Variants in TMEM135 observed in about 807,000 individuals in gnomAD.
TMEM135 encodes the protein transmembrane protein 135.
Under a neutral mutation model 60.3 loss-of-function variants are expected in TMEM135, and 30 were observed. The ratio of observed to expected loss-of-function variants is 0.50; its 90% CI spans 0.37 to 0.68. The LOEUF is 0.68. Among genes scored for constraint, TMEM135 ranks in the 30% least tolerant of loss-of-function variants. The probability of loss-of-function intolerance (pLI) is 0.00; values close to 1 mark genes in which losing one functional copy is unlikely to be tolerated. For synonymous variants in TMEM135, 190 were observed against 186.7 expected, an observed-to-expected ratio of 1.02 and a Z score of -0.14; for missense variants, 468 against 548.8, an observed-to-expected ratio of 0.85 and a Z score of 1.47.
At chr11:87,245,721 C>A (rs1310499926) in intron 6 of TMEM135, among the ~76,000 whole-genome samples, 1 of 124,488 alleles carries the variant, frequency 8.0e-6, no homozygotes, top group Non-Finnish European at 1.7e-5. Context: ...TTCCTCCATC[C>A]TTTTATTTTG....
At chr11:87,119,730 G>C (rs3018709) in intron 4 of TMEM135, among the ~76,000 whole-genome samples, 72,384 of 151,970 alleles carry the variant, frequency 0.48, 17,525 homozygotes, top group East Asian at 0.67. Flanking sequence ...CATTAAAGAT[G>C]ACTGATCACA....
intron 1 of TMEM135, 65 bp from the exon 2 acceptor site, chr11:87,067,629 A>T: frequency 6.2e-7 from 1 of 1,600,194 alleles, no homozygotes; most frequent in South Asian, 1.1e-5. Flanking sequence ...AGTAGCTTCC[A>T]CATATAAGCT....
chr11:87,144,870 A>G (rs1402426755), intron 4 of TMEM135, among the ~76,000 whole-genome samples: 1 of 152,140 alleles, frequency 6.6e-6, no homozygotes, highest in Non-Finnish European at 1.5e-5. Context: ...GAACAAAGCA[A>G]TGTTATAATC....
At chr11:87,196,702 A>G (rs935309748) in intron 5 of TMEM135, among the ~76,000 whole-genome samples, 6 of 152,172 alleles carry the variant, frequency 3.9e-5, no homozygotes, top group Non-Finnish European at 8.8e-5. Flanking sequence ...CTAGCCACTT[A>G]TTCAGAATTT....
intron 4 of TMEM135, among the ~76,000 whole-genome samples, chr11:87,119,451 G>T (rs915563226): frequency 6.6e-6 from 1 of 152,134 alleles, no homozygotes; most frequent in East Asian, 1.9e-4. Flanking sequence ...GCGTGTAATC[G>T]CAGCACTTTG....
chr11:87,301,059 T>C (rs935166973), intron 7 of TMEM135, among the ~76,000 whole-genome samples: 1 of 152,180 alleles, frequency 6.6e-6, no homozygotes, highest in Admixed American at 6.5e-5. Flanking sequence ...ACAAATTCAT[T>C]TGAACTGACA....
chr11:87,104,905 T>G (rs2135189457), intron 4 of TMEM135, among the ~76,000 whole-genome samples: 1 of 152,304 alleles, frequency 6.6e-6, no homozygotes, highest in South Asian at 2.1e-4. Context: ...TAGGATTACT[T>G]TTATTTGTTT....
intron 5 of TMEM135, among the ~76,000 whole-genome samples, chr11:87,189,462 G>A (rs1939745403): frequency 6.6e-6 from 1 of 152,108 alleles, no homozygotes; most frequent in African/African-American, 2.4e-5. Flanking sequence ...TGCCCAGCCT[G>A]TCAGACATTT....
intron 5 of TMEM135, among the ~76,000 whole-genome samples, chr11:87,195,095 T>C (rs1039524580): frequency 1.1e-4 from 16 of 152,218 alleles, no homozygotes; most frequent in Admixed American, 3.3e-4. Flanking sequence ...AGGAAGCTTA[T>C]TAAAATCTGA....
chr11:87,072,185 C>T, intron 3 of TMEM135, among the ~76,000 whole-genome samples: 1 of 152,114 alleles, frequency 6.6e-6, no homozygotes, highest in East Asian at 1.9e-4. Flanking sequence ...CAGAGTGAGA[C>T]TCCTGTCTCA....
intron 4 of TMEM135, among the ~76,000 whole-genome samples, chr11:87,146,127 A>G (rs1300693375): frequency 6.6e-6 from 1 of 152,140 alleles, no homozygotes; most frequent in Non-Finnish European, 1.5e-5. Context: ...CAAGGCTCTA[A>G]TTTCCTTCTC....
At chr11:87,274,980 C>G (rs1179161541) in intron 6 of TMEM135, among the ~76,000 whole-genome samples, 2 of 151,196 alleles carry the variant, frequency 1.3e-5, no homozygotes, top group Admixed American at 1.3e-4. Context: ...ATTTCTAGAG[C>G]AAATAAATTT....
At chr11:87,293,121 T>C (rs1195081157) in intron 6 of TMEM135, among the ~76,000 whole-genome samples, 3 of 152,220 alleles carry the variant, frequency 2.0e-5, no homozygotes, top group African/African-American at 7.2e-5. Context: ...CCTCACCATC[T>C]TACCTATCTA....
chr11:87,136,992 A>G (rs565886670), intron 4 of TMEM135, among the ~76,000 whole-genome samples: 1 of 152,018 alleles, frequency 6.6e-6, no homozygotes, highest in South Asian at 2.1e-4. Context: ...CAATTAGATC[A>G]AGTTGATTAA....
rs1941068199 is a variant in TMEM135, at chr11:87,238,946, G to T, written c.509+2262G>T. On this transcript the variant is annotated intron_variant, in intron 6 of 14. Coordinates refer to ENST00000305494, the MANE Select transcript of TMEM135 (RefSeq NM_022918.4). ...ACTTAAAGACATATGTGATTAACGT[G>T]TAGCATTTCTTAGTCATCAGAAGTT... is the stretch of plus-strand genomic sequence containing the variant. 2.0e-5 allele frequency among the ~76,000 whole-genome samples: 3 copies of T among 152,112 alleles called. No individual in the cohort carries two copies. The South Asian group carries it at 6.2e-4, about 31-fold the overall frequency.
At chr11:87,119,934 G>T (rs1023197865) in intron 4 of TMEM135, among the ~76,000 whole-genome samples, 1 of 151,384 alleles carries the variant, frequency 6.6e-6, no homozygotes, top group East Asian at 1.9e-4. Context: ...AAGATTGCCT[G>T]CATATGCATA....
intron 4 of TMEM135, among the ~76,000 whole-genome samples, chr11:87,141,295 ACTTC>A (rs933146299): frequency 6.6e-6 from 1 of 151,780 alleles, no homozygotes; most frequent in Non-Finnish European, 1.5e-5. Context: ...TAGGTCGTTT[ACTTC>A]CTTTGTTAAG....
intron 5 of TMEM135, among the ~76,000 whole-genome samples, chr11:87,189,405 C>T (rs1939744025): frequency 6.6e-6 from 1 of 152,158 alleles, no homozygotes. Flanking sequence ...AGGTGATCCA[C>T]CTGCCTCAGG....
At chr11:87,282,546 G>A (rs1421319633) in intron 6 of TMEM135, among the ~76,000 whole-genome samples, 2 of 152,190 alleles carry the variant, frequency 1.3e-5, no homozygotes, top group East Asian at 1.9e-4. Context: ...GATTACAGGC[G>A]TGAGCCACCG....
Sources: allele counts gnomAD v4.1 joint callset (sites outside exome capture counted in the v4.1 genomes callset), GRCh38; gene constraint gnomAD v4.1.1; transcripts MANE v1.5; gene names NCBI Gene and HGNC (gene_info 2026-07-23, HGNC 2026-07-21).